Variants in DLGAP2 observed in about 807,000 individuals in gnomAD.
DLGAP2 encodes the protein disks large-associated protein 2.
Under a neutral mutation model 100.3 loss-of-function variants are expected in DLGAP2, and 26 were observed. That is an observed-to-expected ratio of 0.26 (90% confidence interval 0.19 to 0.36). The LOEUF is 0.36. Ranked by LOEUF, DLGAP2 falls within the 10% of genes least tolerant of loss-of-function variation. The probability of loss-of-function intolerance (pLI) is 1.00; values close to 1 mark genes in which losing one functional copy is unlikely to be tolerated. For missense variants in DLGAP2, 1,858 were observed against 1,453.2 expected (o/e 1.28, Z -4.53); for synonymous variants, 886 against 630.1 (o/e 1.41, Z -6.08).
chr8:1,269,702 C>G lies in DLGAP2; in HGVS notation c.106+10819C>G, dbSNP rs990629117. On this transcript the variant is annotated intron_variant, in intron 3 of 14. Coordinates refer to ENST00000637795, the MANE Select transcript of DLGAP2 (RefSeq NM_001346810.2). ...CCAGAATAGAATGACTGTGCACCCC[C>G]CTCCCCCAGCCAATCTTGTGATCAG... 3.3e-5 allele frequency among the ~76,000 whole-genome samples: 5 copies of G among 152,052 alleles called. No homozygotes were observed. The East Asian group carries it at 9.6e-4, about 29-fold the overall frequency.
chr8:1,130,894 G>C (rs1236004796), intron 2 of DLGAP2, among the ~76,000 whole-genome samples: 3 of 148,496 alleles, frequency 2.0e-5, no homozygotes, highest in Non-Finnish European at 4.5e-5. Context: ...GCTCGGCAGC[G>C]GCTGGGCTGA....
At chr8:1,603,098 T>G (rs1390972511) in intron 6 of DLGAP2, among the ~76,000 whole-genome samples, 1 of 151,412 alleles carries the variant, frequency 6.6e-6, no homozygotes, top group Non-Finnish European at 1.5e-5. Flanking sequence ...CTGCAGAGGC[T>G]GGTTAGAGTG....
intron 1 of DLGAP2, among the ~76,000 whole-genome samples, chr8:747,740 G>A (rs554657717): frequency 1.5e-4 from 8 of 52,834 alleles, no homozygotes; most frequent in Non-Finnish European, 2.3e-4. Flanking sequence ...GGGATGGGGG[G>A]GCTCTGCGGT....
chr8:1,077,570 G>C (rs1199249965), intron 2 of DLGAP2, among the ~76,000 whole-genome samples: 4 of 152,174 alleles, frequency 2.6e-5, no homozygotes, highest in South Asian at 2.1e-4. Flanking sequence ...ATCAACTGGT[G>C]TGCTAACAAG....
chr8:1,298,513 G>T (rs1229881925), intron 3 of DLGAP2, among the ~76,000 whole-genome samples: 1 of 152,138 alleles, frequency 6.6e-6, no homozygotes, highest in African/African-American at 2.4e-5. Flanking sequence ...GCCCCGGAGA[G>T]TGCTGAGAGG....
chr8:1,038,291 C>T (rs1383982834), intron 2 of DLGAP2, among the ~76,000 whole-genome samples: 1 of 152,058 alleles, frequency 6.6e-6, no homozygotes, highest in Non-Finnish European at 1.5e-5. Flanking sequence ...ACCTTTTTTC[C>T]TTCCAAGTGT....
At chr8:786,602 G>A (rs1157977093) in intron 1 of DLGAP2, among the ~76,000 whole-genome samples, 1 of 152,046 alleles carries the variant, frequency 6.6e-6, no homozygotes, top group Admixed American at 6.6e-5. Context: ...CAGAGACCCA[G>A]GAACCAGCGG....
rs1799621574 is a variant in DLGAP2, at chr8:1,273,430, G to A, written c.106+14547G>A. Among the ~76,000 whole-genome samples the A allele has an allele frequency of 4.6e-5, 7 of 152,170 alleles. No individual in the cohort carries two copies. In the South Asian group the frequency reaches 1.4e-3, roughly 32 times the overall value. On this transcript the variant is annotated intron_variant, in intron 3 of 14. Transcript: ENST00000637795. ...CTGGCTTATGGAGTGGAGACCCAGG[G>A]GGTCAATGTGCCTTTATGCCCCACC... is the stretch of plus-strand genomic sequence containing the variant.
chr8:964,401 T>A (rs1198464668), intron 2 of DLGAP2, among the ~76,000 whole-genome samples: 2 of 152,246 alleles, frequency 1.3e-5, no homozygotes, highest in Non-Finnish European at 2.9e-5. Context: ...AAGACCTTTC[T>A]GTGTAGACAC....
intron 2 of DLGAP2, among the ~76,000 whole-genome samples, chr8:1,218,539 T>G (rs1224216505): frequency 1.3e-5 from 2 of 152,192 alleles, no homozygotes; most frequent in Admixed American, 6.5e-5. Context: ...TACTGTAGTT[T>G]TATAGTATAG....
At chr8:1,314,225 G>A (rs543864642) in intron 3 of DLGAP2, among the ~76,000 whole-genome samples, 2 of 152,084 alleles carry the variant, frequency 1.3e-5, no homozygotes, top group Non-Finnish European at 2.9e-5. Flanking sequence ...TCAGTTATCC[G>A]TTTTAATTGA....
intron 3 of DLGAP2, among the ~76,000 whole-genome samples, chr8:1,476,594 G>A (rs73536511): frequency 0.09 from 13,764 of 152,120 alleles, 2,076 homozygotes; most frequent in African/African-American, 0.31. Context: ...TGTCCCCATC[G>A]GTGACATTCC....
intron 3 of DLGAP2, among the ~76,000 whole-genome samples, chr8:1,285,867 A>G (rs1361487382): frequency 1.3e-5 from 2 of 152,176 alleles, no homozygotes; most frequent in African/African-American, 2.4e-5. Flanking sequence ...AATCCTTGCA[A>G]GGATTACCTG....
At chr8:1,237,216 AGTTCTC>A in intron 2 of DLGAP2, among the ~76,000 whole-genome samples, 1 of 136,930 alleles carries the variant, frequency 7.3e-6, no homozygotes, top group South Asian at 2.3e-4. Context: ...TGCCGTGTCT[AGTTCTC>A]TCACATGGCG....
intron 1 of DLGAP2, among the ~76,000 whole-genome samples, chr8:797,782 C>G (rs967379498): frequency 1.3e-5 from 2 of 152,062 alleles, no homozygotes; most frequent in Non-Finnish European, 1.5e-5. Flanking sequence ...TGGAGTTTCA[C>G]TCTTATTGCC....
intron 3 of DLGAP2, among the ~76,000 whole-genome samples, chr8:1,419,642 G>A (rs1197390963): frequency 1.3e-5 from 2 of 152,176 alleles, no homozygotes; most frequent in Non-Finnish European, 2.9e-5. Flanking sequence ...CCAGGGAAGT[G>A]CAAATCAAAA....
At chr8:942,091 G>A (rs1046201750) in intron 2 of DLGAP2, among the ~76,000 whole-genome samples, 1 of 152,070 alleles carries the variant, frequency 6.6e-6, no homozygotes, top group Non-Finnish European at 1.5e-5. Flanking sequence ...CGAGTCACTG[G>A]GACCACAGGT....
chr8:1,602,915 G>A (rs2956947), intron 6 of DLGAP2, among the ~76,000 whole-genome samples: 45,663 of 152,132 alleles, frequency 0.3, 7,117 homozygotes, highest in East Asian at 0.5. Flanking sequence ...GTCGAGTGCC[G>A]CGAGGGAAAA....
rs558350176 is a variant in DLGAP2, at chr8:1,464,381, G to A, written c.107-36985G>A. On this transcript the variant is annotated intron_variant, in intron 3 of 14. Transcript: ENST00000637795. ...TCCAGGACAACGCCCTTCCAGGATGGCACCCTTCCGGAATGGCATCCTTCC... is the reference window on the plus strand; with the variant it reads ...TCCAGGACAACGCCCTTCCAGGATGACACCCTTCCGGAATGGCATCCTTCC... Among the ~76,000 whole-genome samples the A allele has an allele frequency of 6.5e-5, 4 of 61,118 alleles. 1 individual carries two copies. The highest frequency in any genetic ancestry group is 9.6e-5 in the Non-Finnish European group (3 of 31,366). 40.1% of individuals were successfully genotyped at this position (61,118 alleles called of 152,430 possible).
Sources: gnomAD v4.1 joint callset for allele counts (sites outside exome capture counted in the v4.1 genomes callset) on GRCh38, gnomAD v4.1.1 for gene constraint, MANE v1.5 for transcripts, NCBI Gene and HGNC (gene_info 2026-07-23, HGNC 2026-07-21) for gene names.